Variants in PTPRO observed in about 807,000 individuals in gnomAD.
PTPRO encodes receptor-type tyrosine-protein phosphatase O.
In PTPRO, 62 loss-of-function variants were observed where a neutral mutation model predicts 145.2. That is an observed-to-expected ratio of 0.43 (90% CI 0.35 to 0.53). The LOEUF (loss-of-function observed/expected upper bound fraction) is 0.53. Among genes scored for constraint, PTPRO ranks in the 20% least tolerant of loss-of-function variants. The pLI is 0.01. For missense variants in PTPRO, 1,345 were observed against 1,482.7 expected (o/e 0.91, Z 1.53); for synonymous variants, 565 against 514.7 (o/e 1.10, Z -1.32).
At chr12:15,550,461 G>A (rs1183011065) in intron 14 of PTPRO, among the ~76,000 whole-genome samples, 1 of 152,240 alleles carries the variant, frequency 6.6e-6, no homozygotes, top group East Asian at 1.9e-4. Context: ...AACTCATTTT[G>A]TTCAAGGGTC....
intron 1 of PTPRO, among the ~76,000 whole-genome samples, chr12:15,355,598 A>G (rs1937961702): frequency 6.6e-6 from 1 of 152,220 alleles, no homozygotes; most frequent in Non-Finnish European, 1.5e-5. Flanking sequence ...GTGAAACTAA[A>G]TTCTATTTCT....
At chr12:15,538,859 G>C (rs2135535555) in intron 12 of PTPRO, among the ~76,000 whole-genome samples, 1 of 152,276 alleles carries the variant, frequency 6.6e-6, no homozygotes, top group South Asian at 2.1e-4. Context: ...CAAACAAATT[G>C]TGTTACCATA....
At chr12:15,521,005 G>A (rs955323265) in intron 10 of PTPRO, among the ~76,000 whole-genome samples, 3 of 152,128 alleles carry the variant, frequency 2.0e-5, no homozygotes, top group Non-Finnish European at 4.4e-5. Context: ...TTATGTAGTT[G>A]CATCATCAGT....
chr12:15,478,832 C>T (rs969123839), intron 1 of PTPRO, among the ~76,000 whole-genome samples: 3 of 152,044 alleles, frequency 2.0e-5, no homozygotes, highest in Non-Finnish European at 2.9e-5. Context: ...CCACCACGCC[C>T]GGGTAATTTT....
At chr12:15,418,070 C>A (rs958513189) in intron 1 of PTPRO, among the ~76,000 whole-genome samples, 1 of 151,826 alleles carries the variant, frequency 6.6e-6, no homozygotes, top group Non-Finnish European at 1.5e-5. Flanking sequence ...TCACTAGGCA[C>A]ACTCTTAATT....
intron 17 of PTPRO, among the ~76,000 whole-genome samples, chr12:15,563,906 G>A (rs1362483115): frequency 6.6e-6 from 1 of 152,132 alleles, no homozygotes; most frequent in Non-Finnish European, 1.5e-5. Context: ...TCTGCTTTCC[G>A]AAAGCACTGA....
intron 12 of PTPRO, 21 bp downstream of exon 12, chr12:15,526,283 T>C (rs1942835966): frequency 6.2e-7 from 1 of 1,613,006 alleles, no homozygotes; most frequent in Non-Finnish European, 8.5e-7. Flanking sequence ...TGCACAGAGA[T>C]GGGTGTGAAA....
In PTPRO at chr12:15,578,929, C is replaced by T. The variant is rs1376761993; in HGVS notation, c.2906C>T (p.Thr969Ile). ...CTGAATCGATGTAAAAACCGTTACA[C>T]AAACATCCTACCATGTAAGATCGTC... ...LPLNRCKNRY[T>I]NILPYDFSRV... The change falls in exon 20 of 27, where the codon ACA (threonine) becomes ATA (isoleucine). Residue 969 changes from threonine to isoleucine, a missense_variant. Transcript: ENST00000281171. 1 of 1,592,932 alleles carries T rather than the reference C, an allele frequency of 6.3e-7. No homozygotes were observed. The highest frequency in any genetic ancestry group is 8.6e-7 in the Non-Finnish European group (1 of 1,160,922).
At chr12:15,419,706 GA>G (rs1940081373) in intron 1 of PTPRO, among the ~76,000 whole-genome samples, 1 of 150,690 alleles carries the variant, frequency 6.6e-6, no homozygotes, top group South Asian at 2.1e-4. Context: ...AGATACAGCA[GA>G]AGAATACGTC....
intron 1 of PTPRO, among the ~76,000 whole-genome samples, chr12:15,366,434 A>G (rs978564830): frequency 9.9e-5 from 15 of 152,172 alleles, no homozygotes; most frequent in African/African-American, 3.6e-4. Flanking sequence ...CTTTTTAATA[A>G]TGAATTCTAA....
At chr12:15,345,535 G>A (rs1366445291) in intron 1 of PTPRO, among the ~76,000 whole-genome samples, 3 of 152,034 alleles carry the variant, frequency 2.0e-5, no homozygotes, top group African/African-American at 4.8e-5. Context: ...ACATGTTTGC[G>A]TTCATAAGTG....
chr12:15,359,632 T>G (rs993720106), intron 1 of PTPRO, among the ~76,000 whole-genome samples: 3 of 152,024 alleles, frequency 2.0e-5, no homozygotes, highest in African/African-American at 7.2e-5. Context: ...TTGGCCAGGC[T>G]GGTCTTGAAC....
At chr12:15,358,437 T>G (rs1938068833) in intron 1 of PTPRO, among the ~76,000 whole-genome samples, 1 of 152,162 alleles carries the variant, frequency 6.6e-6, no homozygotes, top group African/African-American at 2.4e-5. Context: ...TTCCGGATTT[T>G]GATGAAGACA....
At chr12:15,474,305 T>A in intron 1 of PTPRO, among the ~76,000 whole-genome samples, 1 of 152,160 alleles carries the variant, frequency 6.6e-6, no homozygotes, top group South Asian at 2.1e-4. Flanking sequence ...TGTGTTATTC[T>A]CCTCTTTAGT....
At chr12:15,401,633 T>C (rs916992402) in intron 1 of PTPRO, among the ~76,000 whole-genome samples, 1 of 152,144 alleles carries the variant, frequency 6.6e-6, no homozygotes, top group Non-Finnish European at 1.5e-5. Flanking sequence ...TACAGACAAA[T>C]AACTGAGAAT....
rs548755318 is a variant in PTPRO, at chr12:15,462,419, C to A, written c.76-21555C>A. On this transcript the variant is annotated intron_variant, in intron 1 of 26. Coordinates refer to ENST00000281171, the MANE Select transcript of PTPRO (RefSeq NM_030667.3). Reference sequence around the variant, plus strand: ...GGGATTGTAGGTGTGAGCCACCACACCTGCCCTTGCTCATCTTTTAAGTGT... The same window carrying A: ...GGGATTGTAGGTGTGAGCCACCACAACTGCCCTTGCTCATCTTTTAAGTGT... Among the ~76,000 whole-genome samples the A allele has an allele frequency of 2.4e-4, 37 of 152,332 alleles. No homozygotes were observed. The South Asian group carries it at 7.3e-3, about 30-fold the overall frequency.
chr12:15,518,974 G>T (rs555599800), intron 9 of PTPRO, among the ~76,000 whole-genome samples: 1 of 152,016 alleles, frequency 6.6e-6, no homozygotes, highest in East Asian at 1.9e-4. Context: ...ACAGTTCTGG[G>T]TATCTTCTCA....
At chr12:15,560,144 C>A in intron 16 of PTPRO, 49 bp from the exon 17 acceptor site, 1 of 1,373,296 alleles carries the variant, frequency 7.3e-7, no homozygotes, top group Non-Finnish European at 1.0e-6. Flanking sequence ...ATATTACTAA[C>A]TCTTGCAACT....
chr12:15,565,703 G>T, intron 18 of PTPRO, 75 bp downstream of exon 18: 1 of 1,102,690 alleles, frequency 9.1e-7, no homozygotes, highest in Non-Finnish European at 1.4e-6. Flanking sequence ...AAGATTGCTT[G>T]TCTTCAAAGA....
Sources: allele counts gnomAD v4.1 joint callset (sites outside exome capture counted in the v4.1 genomes callset), GRCh38; gene constraint gnomAD v4.1.1; transcripts MANE v1.5; gene names NCBI Gene and HGNC (gene_info 2026-07-23, HGNC 2026-07-21).